DGCR2: variants seen among roughly 807,000 people sequenced by gnomAD.
DGCR2 encodes the protein DiGeorge syndrome critical region gene 2, also known as integral membrane protein DGCR2/IDD.
DGCR2 carries 24 observed loss-of-function variants against 51.6 expected under a neutral mutation model. The observed-to-expected ratio is 0.47, with a 90% CI of 0.34 to 0.65. The LOEUF is 0.65. Among genes scored for constraint, DGCR2 ranks in the 30% least tolerant of loss-of-function variants. The probability of loss-of-function intolerance (pLI) is 0.01; values close to 1 mark genes in which losing one functional copy is unlikely to be tolerated. For missense variants in DGCR2, 765 were observed against 772.1 expected, an observed-to-expected ratio of 0.99 and a Z score of 0.11; for synonymous variants, 340 against 315.4, an observed-to-expected ratio of 1.08 and a Z score of -0.82.
intron 2 of DGCR2, among the ~76,000 whole-genome samples, chr22:19,084,574 G>A (rs1285201947): frequency 7.0e-6 from 1 of 143,654 alleles, no homozygotes; most frequent in East Asian, 2.2e-4. Context: ...CAGCCACCCC[G>A]TCTGAGAAGT....
In DGCR2 at chr22:19,089,504, G is replaced by C; in HGVS notation, c.80-14C>G. The C allele has an allele frequency of 1.3e-6, 2 of 1,547,660 alleles. No individual in the cohort carries two copies. The highest frequency in any genetic ancestry group is 1.8e-6 in the Non-Finnish European group (2 of 1,140,380). On this transcript the variant is annotated splice_polypyrimidine_tract_variant and intron_variant, in intron 1 of 9. Coordinates refer to ENST00000263196, the MANE Select transcript of DGCR2 (RefSeq NM_005137.3). ...TGCACCGCAGCTCTGTGGGACCAAA[G>C]GGTGAGAGGCCATTGAGGAAGTGGC...
intron 1 of DGCR2, among the ~76,000 whole-genome samples, chr22:19,108,569 T>TAAAAAAAAAAAAAAAAAAAAAA (rs55803042): frequency 2.2e-5 from 2 of 90,724 alleles, no homozygotes; most frequent in Admixed American, 1.3e-4. Flanking sequence ...AGAATTTATC[T>TAAAAAAAAAAAAAAAAAAAAAA]AAAAAAAAAA....
intron 2 of DGCR2, among the ~76,000 whole-genome samples, chr22:19,073,276 C>T (rs201951964): frequency 1.3e-5 from 2 of 151,360 alleles, no homozygotes; most frequent in African/African-American, 4.8e-5. Context: ...CAAAAAAAAA[C>T]TGAATACATG....
intron 1 of DGCR2, among the ~76,000 whole-genome samples, chr22:19,105,664 C>T (rs374762688): frequency 1.1e-4 from 17 of 151,554 alleles, no homozygotes; most frequent in African/African-American, 2.7e-4. Context: ...GAAAGGGACG[C>T]GGCTGGCGAT....
Position 19,064,481 on chromosome 22 carries a change from C to A in DGCR2, c.548+367G>T, listed in dbSNP as rs1424544098. 2.6e-5 allele frequency among the ~76,000 whole-genome samples: 4 copies of A among 152,230 alleles called. No homozygotes were observed. In the East Asian group the frequency reaches 5.8e-4, roughly 22 times the overall value. On this transcript the variant is annotated intron_variant, in intron 4 of 9. Coordinates refer to ENST00000263196, the MANE Select transcript of DGCR2 (RefSeq NM_005137.3). ...GGGGAACCCCCACCTACACTGCACA[C>A]CCCTTGCACAAGGCCCACGAAGCCC...
intron 2 of DGCR2, among the ~76,000 whole-genome samples, chr22:19,075,923 C>T (rs1428345352): frequency 1.3e-5 from 2 of 152,088 alleles, no homozygotes; most frequent in African/African-American, 4.8e-5. Context: ...TCTCTGCTTC[C>T]AATTCTTTGG....
chr22:19,056,551 T>TAA, intron 6 of DGCR2: 2 of 344,358 alleles, frequency 5.8e-6, no homozygotes. Flanking sequence ...TAGCTGGCTT[T>TAA]AATAAAAAAA....
At chr22:19,084,905 G>A (rs1367757046) in intron 2 of DGCR2, among the ~76,000 whole-genome samples, 3 of 152,132 alleles carry the variant, frequency 2.0e-5, no homozygotes, top group Admixed American at 6.5e-5. Context: ...CCCTCTGCCC[G>A]GCCACCACCC....
chr22:19,063,783 A>G (rs932394561), intron 4 of DGCR2, among the ~76,000 whole-genome samples: 8 of 152,174 alleles, frequency 5.3e-5, no homozygotes, highest in African/African-American at 1.9e-4. Flanking sequence ...AAACCGGTAA[A>G]GCTTTCACAA....
At position 19,063,318 on chromosome 22, in the gene DGCR2, G is replaced by A. The variant is rs117732264; in HGVS notation, c.549-40C>T. On this transcript the variant is annotated intron_variant, in intron 4 of 9. Coordinates refer to ENST00000263196, the MANE Select transcript of DGCR2 (RefSeq NM_005137.3). ...GACAGAGACAGAGATCTCAGCGGCA[G>A]GAGGGATGCAACCATCAATGACTGT... is the stretch of plus-strand genomic sequence containing the variant. The A allele has an allele frequency of 2.1e-4, 328 of 1,581,354 alleles. 4 individuals carry two copies. The East Asian group carries it at 6.8e-3, about 33-fold the overall frequency.
At chr22:19,056,541 T>C in intron 6 of DGCR2, 2 of 386,688 alleles carry the variant, frequency 5.2e-6, no homozygotes, top group Non-Finnish European at 9.4e-6. Context: ...GCAATAGAGT[T>C]AGCTGGCTTT....
chr22:19,101,059 C>T (rs1228486901), intron 1 of DGCR2, among the ~76,000 whole-genome samples: 2 of 152,052 alleles, frequency 1.3e-5, no homozygotes, highest in African/African-American at 4.8e-5. Context: ...TGCAGTGAGC[C>T]GAGACTGCGC....
Position 19,057,312 on chromosome 22 carries a change from C to A in DGCR2, c.626-150G>T, listed in dbSNP as rs951683134. The A allele has an allele frequency of 2.2e-6, 2 of 906,448 alleles. No individual in the cohort carries two copies. Among genetic ancestry groups the A allele is most frequent in the Non-Finnish European group, 1.6e-6 (1 of 622,440 alleles). The allele number at this position is 906,448 out of a possible 1,614,324, so 56.2% of individuals were successfully genotyped here. A position where few individuals can be genotyped will look rare whatever the true frequency, so the allele number is the denominator to read the frequency against. On this transcript the variant is annotated intron_variant, in intron 5 of 9. Coordinates refer to ENST00000263196, the MANE Select transcript of DGCR2 (RefSeq NM_005137.3). This position sits in a 1 kb window ranked among gnomAD's most constrained non-coding sequence, Gnocchi z 5.1. ...TGGTCACTGTGGCCAGGTGTTCACT[C>A]GGGACTCCCCAACCTCCTGGGAGTC...
chr22:19,090,044 C>T (rs922934181), intron 1 of DGCR2, among the ~76,000 whole-genome samples: 1 of 152,180 alleles, frequency 6.6e-6, no homozygotes, highest in African/African-American at 2.4e-5. Flanking sequence ...AACCTATTAC[C>T]TAGAGATAAA....
intron 1 of DGCR2, among the ~76,000 whole-genome samples, chr22:19,116,084 G>T (rs1221110498): frequency 6.6e-6 from 1 of 152,248 alleles, no homozygotes; most frequent in Non-Finnish European, 1.5e-5. Flanking sequence ...TGAAGAGTGA[G>T]CAGTAGAACA....
intron 3 of DGCR2, 73 bp downstream of exon 3, chr22:19,068,027 A>AGT: frequency 6.8e-7 from 1 of 1,472,502 alleles, no homozygotes; most frequent in South Asian, 1.4e-5. Context: ...GCAGCACAGT[A>AGT]GTGCTGGAAA....
chr22:19,063,297 G>C lies in DGCR2; in HGVS notation c.549-19C>G, dbSNP rs779109121. The C allele has an allele frequency of 1.9e-6, 3 of 1,612,326 alleles. No homozygotes were observed. The highest frequency in any genetic ancestry group is 1.7e-5 in the Admixed American group (1 of 59,972). On this transcript the variant is annotated intron_variant, in intron 4 of 9. Coordinates refer to ENST00000263196, the MANE Select transcript of DGCR2 (RefSeq NM_005137.3). Reference sequence around the variant, plus strand: ...CCACAACCTGCAGGGCACAGAGACAGAGACAGAGATCTCAGCGGCAGGAGG... The same window carrying C: ...CCACAACCTGCAGGGCACAGAGACACAGACAGAGATCTCAGCGGCAGGAGG...
chr22:19,121,665 G>A (rs2083434003), intron 1 of DGCR2: 1 of 152,702 alleles, frequency 6.5e-6, no homozygotes, highest in Non-Finnish European at 1.5e-5. Flanking sequence ...GGCCCGGTGG[G>A]ACCTGAGGAC....
At chr22:19,097,794 T>C (rs1392267510) in intron 1 of DGCR2, among the ~76,000 whole-genome samples, 1 of 152,090 alleles carries the variant, frequency 6.6e-6, no homozygotes, top group East Asian at 1.9e-4. Flanking sequence ...GCTGGGCCAA[T>C]GAGAAGAGTC....
Sources: allele counts gnomAD v4.1 joint callset (sites outside exome capture counted in the v4.1 genomes callset), GRCh38; gene constraint gnomAD v4.1.1; non-coding constraint Gnocchi (gnomAD v3.1); transcripts MANE v1.5; gene names NCBI Gene and HGNC (gene_info 2026-07-23, HGNC 2026-07-21).